CNTLN: variants seen among roughly 807,000 people sequenced by gnomAD.
The protein encoded by CNTLN is centlein, centrosomal protein.
Under a neutral mutation model 180.0 loss-of-function variants are expected in CNTLN, and 212 were observed. The ratio of observed to expected loss-of-function variants is 1.18; its 90% CI spans 1.05 to 1.32. CNTLN has a LOEUF of 1.32. Ranked by LOEUF, CNTLN falls within the 40% of genes most tolerant of loss-of-function variation. The probability of loss-of-function intolerance (pLI) is 0.00; values close to 1 mark genes in which losing one functional copy is unlikely to be tolerated. For synonymous variants in CNTLN, 722 were observed against 563.1 expected, an observed-to-expected ratio of 1.28 and a Z score of -3.99; for missense variants, 2,095 against 1,610.9, an observed-to-expected ratio of 1.30 and a Z score of -5.14.
chr9:17,138,989 CTT>C (rs1383590485), intron 1 of CNTLN, among the ~76,000 whole-genome samples: 4 of 151,980 alleles, frequency 2.6e-5, no homozygotes, highest in Non-Finnish European at 5.9e-5. Flanking sequence ...GTTTAATAAA[CTT>C]TGTGAAAATG....
At chr9:17,360,152 A>G (rs1486801941) in intron 12 of CNTLN, among the ~76,000 whole-genome samples, 2 of 152,190 alleles carry the variant, frequency 1.3e-5, no homozygotes, top group South Asian at 2.1e-4. Context: ...TCTAAGTTCA[A>G]AATAATTCCT....
intron 25 of CNTLN, among the ~76,000 whole-genome samples, chr9:17,494,130 T>TA (rs1833316555): frequency 6.6e-6 from 1 of 152,222 alleles, no homozygotes; most frequent in Non-Finnish European, 1.5e-5. Context: ...CTGGGGAAAA[T>TA]ACATGGAAAA....
At chr9:17,301,109 C>G (rs1818313285) in intron 7 of CNTLN, 2 of 985,252 alleles carry the variant, frequency 2.0e-6, no homozygotes, top group Admixed American at 6.2e-5. Context: ...ACCAGTAATA[C>G]TTTGCTGAGA....
At position 17,347,313 on chromosome 9, in the gene CNTLN, T is replaced by A. The variant is rs774411468; in HGVS notation, c.1886+4869T>A. ...GTCTCCTGGACATGTGGACTACAGATGTTTCTCAACCTACCTTGGGTTATG... is the reference window on the plus strand; with the variant it reads ...GTCTCCTGGACATGTGGACTACAGAAGTTTCTCAACCTACCTTGGGTTATG... On this transcript the variant is annotated intron_variant, in intron 12 of 25. Coordinates refer to ENST00000380647, the MANE Select transcript of CNTLN (RefSeq NM_017738.4). Among the ~76,000 whole-genome samples, 3 of 152,208 alleles carry A rather than the reference T, an allele frequency of 2.0e-5. No individual in the cohort carries two copies. In the East Asian group the frequency reaches 5.8e-4, roughly 29 times the overall value.
At chr9:17,169,940 T>C (rs561820203) in intron 2 of CNTLN, among the ~76,000 whole-genome samples, 50 of 152,324 alleles carry the variant, frequency 3.3e-4, no homozygotes, top group African/African-American at 1.1e-3. Context: ...AAAAATGCCA[T>C]TGGAATTTTG....
chr9:17,469,681 A>G (rs1831950143), intron 23 of CNTLN, among the ~76,000 whole-genome samples: 1 of 151,562 alleles, frequency 6.6e-6, no homozygotes, highest in Non-Finnish European at 1.5e-5. Context: ...CTACTCTTTC[A>G]CCCATATTGT....
At chr9:17,230,864 C>T (rs1365870694) in intron 3 of CNTLN, among the ~76,000 whole-genome samples, 1 of 151,976 alleles carries the variant, frequency 6.6e-6, no homozygotes, top group Non-Finnish European at 1.5e-5. Flanking sequence ...ATGACTGAGC[C>T]ATCCTTGAGT....
chr9:17,513,306 A>G, the CNTLN span, among the ~76,000 whole-genome samples: 115,987 of 151,802 alleles, frequency 0.76, 44,723 homozygotes, highest in East Asian at 0.98. Context: ...AAAACCTATG[A>G]GACATAGCTA....
In CNTLN at chr9:17,267,761, C is replaced by G. The variant is rs537251593; in HGVS notation, c.850-5972C>G. Among the ~76,000 whole-genome samples the G allele has an allele frequency of 1.6e-3, 244 of 152,066 alleles. 1 individual carries two copies. Among genetic ancestry groups the G allele is most frequent in the Non-Finnish European group, 2.1e-3 (140 of 68,006 alleles). On this transcript the variant is annotated intron_variant, in intron 5 of 25. Coordinates refer to ENST00000380647, the MANE Select transcript of CNTLN (RefSeq NM_017738.4). ...TTCTTTTTATTCTTTTTTCTCTAAA[C>G]TTCTCTTCTCACTTCATTTCATTCA... is the stretch of plus-strand genomic sequence containing the variant.
chr9:17,499,127 A>G (rs1833611075), intron 25 of CNTLN, among the ~76,000 whole-genome samples: 1 of 152,170 alleles, frequency 6.6e-6, no homozygotes, highest in South Asian at 2.1e-4. Context: ...GACCATGTGA[A>G]TTTTTAAAGT....
intron 2 of CNTLN, among the ~76,000 whole-genome samples, chr9:17,152,079 C>G (rs937186367): frequency 1.1e-4 from 16 of 152,108 alleles, no homozygotes; most frequent in African/African-American, 3.1e-4. Context: ...GGCTAGCAGT[C>G]TATCTGTTTT....
At chr9:17,136,263 C>G (rs774940329) in intron 1 of CNTLN, among the ~76,000 whole-genome samples, 7 of 152,198 alleles carry the variant, frequency 4.6e-5, no homozygotes, top group Non-Finnish European at 7.3e-5. Context: ...CTTTAAGTCA[C>G]TCTGTCTTCA....
chr9:17,217,583 G>A (rs1471428310), intron 2 of CNTLN, among the ~76,000 whole-genome samples: 2 of 152,236 alleles, frequency 1.3e-5, no homozygotes, highest in South Asian at 2.1e-4. Context: ...CCCTGGTGAT[G>A]TGCAGATGTT....
At chr9:17,265,288 T>C (rs1383117797) in intron 5 of CNTLN, among the ~76,000 whole-genome samples, 2 of 152,042 alleles carry the variant, frequency 1.3e-5, no homozygotes, top group Admixed American at 1.3e-4. Context: ...TTCTGCATCT[T>C]TTGAGATAAT....
At chr9:17,141,711 T>G (rs942499285) in intron 1 of CNTLN, among the ~76,000 whole-genome samples, 1 of 151,630 alleles carries the variant, frequency 6.6e-6, no homozygotes, top group African/African-American at 2.4e-5. Flanking sequence ...GTGGTGAGAG[T>G]GGTCAGAATT....
intron 2 of CNTLN, among the ~76,000 whole-genome samples, chr9:17,222,097 T>G (rs1357392474): frequency 3.3e-5 from 5 of 152,036 alleles, no homozygotes; most frequent in Non-Finnish European, 5.9e-5. Context: ...ACACACAGGC[T>G]GTCTTATCTC....
downstream of CNTLN, among the ~76,000 whole-genome samples, chr9:17,508,825 C>A (rs1833979238): frequency 6.6e-6 from 1 of 152,118 alleles, no homozygotes; most frequent in South Asian, 2.1e-4. Flanking sequence ...CGTCAAAGGA[C>A]ACGTGCAATT....
chr9:17,361,422 G>A (rs1007034852), intron 12 of CNTLN, among the ~76,000 whole-genome samples: 4 of 152,054 alleles, frequency 2.6e-5, no homozygotes, highest in South Asian at 4.2e-4. Flanking sequence ...CTGACTGGTC[G>A]CAACTCAAAT....
At chr9:17,417,519 T>C (rs2593395) in intron 18 of CNTLN, among the ~76,000 whole-genome samples, 122,463 of 151,962 alleles carry the variant, frequency 0.81, 50,951 homozygotes, top group Non-Finnish European at 0.93. Context: ...TTGAACTTTT[T>C]GGTGTTCTCT....
Sources: gnomAD v4.1 joint callset for allele counts (sites outside exome capture counted in the v4.1 genomes callset) on GRCh38, gnomAD v4.1.1 for gene constraint, MANE v1.5 for transcripts, NCBI Gene and HGNC (gene_info 2026-07-23, HGNC 2026-07-21) for gene names.